Variants in TET3 observed in about 807,000 individuals in gnomAD.
The protein encoded by TET3 is tet methylcytosine dioxygenase 3, also known as methylcytosine dioxygenase TET3.
A neutral mutation model predicts 141.4 loss-of-function variants in TET3; 19 were observed. The observed-to-expected ratio is 0.13, with a 90% CI of 0.09 to 0.20. The LOEUF is 0.20. Ranked by LOEUF, TET3 falls within the 10% of genes least tolerant of loss-of-function variation. TET3 has a pLI of 1.00. For synonymous variants in TET3, 1,043 were observed against 980.9 expected, an observed-to-expected ratio of 1.06 and a Z score of -1.18; for missense variants, 1,874 against 2,356.9, an observed-to-expected ratio of 0.80 and a Z score of 4.24.
At chr2:74,058,260 G>A (rs143529995) in intron 4 of TET3, among the ~76,000 whole-genome samples, 61 of 152,302 alleles carry the variant, frequency 4.0e-4, no homozygotes, top group Middle Eastern at 3.4e-3. Flanking sequence ...CACTGTGGCA[G>A]ACAGCGAGGG....
At chr2:74,058,549 A>G (rs1688332081) in intron 4 of TET3, among the ~76,000 whole-genome samples, 1 of 152,108 alleles carries the variant, frequency 6.6e-6, no homozygotes, top group African/African-American at 2.4e-5. Context: ...TTGGTCACCT[A>G]TATTAGGTTT....
intron 10 of TET3, among the ~76,000 whole-genome samples, chr2:74,095,628 G>A (rs1282296305): frequency 1.3e-5 from 2 of 152,198 alleles, no homozygotes; most frequent in East Asian, 1.9e-4. Context: ...CCCAGATGGG[G>A]TCACATTATA....
At position 74,047,256 on chromosome 2, in the gene TET3, C is replaced by G. The variant is rs369297421; in HGVS notation, c.1339C>G (p.Arg447Gly). ...CACTGACACCCCTCCAGCAACGCCC[C>G]GGAGCTCCTGGCCCATGCCTCGCCC... ...WGTDTPPATP[R>G]SSWPMPRPSP... Residue 447 changes from arginine to glycine, a missense_variant, in exon 4 of 12, where the codon CGG becomes GGG. This residue lies in a region of TET3 where 484 missense variants were observed against 462.2 expected (regional missense o/e 1.05). Transcript: ENST00000409262. 2 of 1,613,886 alleles carry G rather than the reference C, an allele frequency of 1.2e-6. No homozygotes were observed. Among genetic ancestry groups the G allele is most frequent in the South Asian group, 1.1e-5 (1 of 91,088 alleles).
intron 10 of TET3, among the ~76,000 whole-genome samples, chr2:74,098,604 T>C (rs1326791771): frequency 6.6e-6 from 1 of 151,930 alleles, no homozygotes; most frequent in East Asian, 1.9e-4. Context: ...CTCTTTTTTT[T>C]TTTTTTTGAG....
At chr2:74,069,281 AAT>A (rs1689074317) in intron 4 of TET3, among the ~76,000 whole-genome samples, 1 of 151,060 alleles carries the variant, frequency 6.6e-6, no homozygotes, top group Non-Finnish European at 1.5e-5. Flanking sequence ...ATTGATAGGA[AAT>A]GCCATTAGGT....
chr2:74,036,208 T>G (rs1181211194), intron 3 of TET3, among the ~76,000 whole-genome samples: 2 of 152,202 alleles, frequency 1.3e-5, no homozygotes, highest in Admixed American at 6.5e-5. Context: ...GCAGAGAGAT[T>G]AGCTAACTTG....
chr2:74,098,775 G>C (rs1360583970), intron 10 of TET3, among the ~76,000 whole-genome samples: 1 of 152,080 alleles, frequency 6.6e-6, no homozygotes, highest in Non-Finnish European at 1.5e-5. Context: ...TATATTTTTG[G>C]TAGAGACAGG....
chr2:74,099,465 C>T lies in TET3; in HGVS notation c.3457C>T (p.Pro1153Ser). The change falls in exon 11 of 12, where the codon CCC (proline) becomes TCC (serine). Residue 1153 changes from proline to serine, a missense_variant. This residue lies in a region of TET3 where 53 missense variants were observed against 112.8 expected (regional missense o/e 0.47). Transcript: ENST00000409262. Reference sequence around the variant, plus strand: ...CTTCCCCCGCGAGGTCCGACGCCTGCCCGAGCCTGCCAAGTCCTGCCGCCA... The same window carrying T: ...CTTCCCCCGCGAGGTCCGACGCCTGTCCGAGCCTGCCAAGTCCTGCCGCCA... ...TAFPREVRRL[P>S]EPAKSCRQRQ... 2 of 1,613,750 alleles carry T rather than the reference C, an allele frequency of 1.2e-6. No homozygotes were observed. The highest frequency in any genetic ancestry group is 1.7e-6 in the Non-Finnish European group (2 of 1,179,834).
the TET3 span, among the ~76,000 whole-genome samples, chr2:74,122,704 C>T: frequency 8.3e-6 from 1 of 120,546 alleles, no homozygotes; most frequent in Non-Finnish European, 1.7e-5. Flanking sequence ...TTTTTTTTGC[C>T]ACATGCCGCC....
At chr2:74,124,517 A>G in the TET3 span, among the ~76,000 whole-genome samples, 1 of 152,242 alleles carries the variant, frequency 6.6e-6, no homozygotes, top group Non-Finnish European at 1.5e-5. Flanking sequence ...GGGAAAAGAG[A>G]TCAGATTGTT....
At position 74,080,694 on chromosome 2, in the gene TET3, G is replaced by A. The variant is rs572120255; in HGVS notation, c.2679+103G>A. The A allele has an allele frequency of 8.7e-4, 381 of 436,190 alleles. 4 individuals carry two copies. Among genetic ancestry groups the A allele is most frequent in the African/African-American group, 3.7e-3 (168 of 45,526 alleles). The allele number at this position is 436,190 out of a possible 1,614,324, so 27.0% of individuals were successfully genotyped here. A position where few individuals can be genotyped will look rare whatever the true frequency, so the allele number is the denominator to read the frequency against. ...CCTTGCTGCATGTAGCTGAGCAGGC[G>A]AGGGCGGGGGGTGGGGCCAGGTGGG... On this transcript the variant is annotated intron_variant, in intron 6 of 11. Transcript: ENST00000409262.
chr2:74,047,176 A>C lies in TET3; in HGVS notation c.1259A>C (p.Asp420Ala), dbSNP rs773751681. The C allele has an allele frequency of 6.2e-7, 1 of 1,613,826 alleles. No individual in the cohort carries two copies. Among genetic ancestry groups the C allele is most frequent in the Non-Finnish European group, 8.5e-7 (1 of 1,179,858 alleles). The stretch of plus-strand genomic sequence containing the variant: ...GAAGAGCACTCATCTTTTGCTCCTG[A>C]TAGCTCTGCCTTCCCTCCAGCAACT... Reference protein sequence around the residue: ...PPEEHSSFAPDSSAFPPATPR... With the variant: ...PPEEHSSFAPASSAFPPATPR... The change falls in exon 4 of 12, where the codon GAT (aspartate) becomes GCT (alanine). Residue 420 changes from aspartate (D) to alanine (A), a missense_variant. This residue lies in a region of TET3 where 484 missense variants were observed against 462.2 expected (regional missense o/e 1.05). Coordinates refer to ENST00000409262, the MANE Select transcript of TET3 (RefSeq NM_001287491.2).
At chr2:74,041,367 C>T (rs1441104185) in intron 3 of TET3, among the ~76,000 whole-genome samples, 1 of 152,092 alleles carries the variant, frequency 6.6e-6, no homozygotes, top group Admixed American at 6.5e-5. Flanking sequence ...GTTTTGAACC[C>T]TCATGCTCGC....
Position 74,047,303 on chromosome 2 carries a change from A to G in TET3, c.1386A>G (p.Glu462=). ...GCCCAAGCCCCGATCCCATGGCTGA[A>G]CTGGAGCAGTTGTTGGGCAGCGCCA... ...MPRPSPDPMA[E]LEQLLGSASD... is the part of the protein sequence containing the mutation. The change falls in exon 4 of 12, where the codon GAA becomes GAG. Residue 462 remains glutamate, a synonymous_variant. Coordinates refer to ENST00000409262, the MANE Select transcript of TET3 (RefSeq NM_001287491.2). 6.2e-7 allele frequency: 1 copy of G among 1,613,944 alleles called. No homozygotes were observed. The highest frequency in any genetic ancestry group is 1.6e-4 in the Middle Eastern group (1 of 6,062).
chr2:74,093,679 CCT>C lies in TET3; in HGVS notation c.3267+14_3267+15del. 1 of 1,570,424 alleles carries C rather than the reference CCT, an allele frequency of 6.4e-7. No individual in the cohort carries two copies. Among genetic ancestry groups the C allele is most frequent in the South Asian group, 1.2e-5 (1 of 86,280 alleles). On this transcript the variant is annotated intron_variant, in intron 10 of 11. Transcript: ENST00000409262. This position sits in a 1 kb window ranked among gnomAD's most constrained non-coding sequence, Gnocchi z 4.2. ...TGGGTGCACCGTGGTAAGCCTGTGC[CCT>C]GTCATAGCCCCACCTGTGGGGCAAC...
chr2:74,015,992 T>C (rs1050974288), intron 3 of TET3, among the ~76,000 whole-genome samples: 13 of 152,108 alleles, frequency 8.5e-5, no homozygotes, highest in Non-Finnish European at 1.8e-4. Flanking sequence ...ATATTACTCT[T>C]AGATTGTCTT....
intron 10 of TET3, among the ~76,000 whole-genome samples, chr2:74,095,628 G>T (rs1282296305): frequency 6.6e-6 from 1 of 152,198 alleles, no homozygotes; most frequent in East Asian, 1.9e-4. Context: ...CCCAGATGGG[G>T]TCACATTATA....
rs562864951 is a variant in TET3 at position 74,097,741 on chromosome 2, G to A, written c.3268-1535G>A. ...GCTCTGAGCTATGGGGTGGTTCCTC[G>A]TGCACGGCCCTCTATTAAGGCCAGG... On this transcript the variant is annotated intron_variant, in intron 10 of 11. Transcript: ENST00000409262. Among the ~76,000 whole-genome samples, 8 of 152,232 alleles carry A rather than the reference G, an allele frequency of 5.3e-5. No homozygotes were observed. In the East Asian group the frequency reaches 5.8e-4, roughly 11 times the overall value.
chr2:74,096,541 T>A (rs1313459514), intron 10 of TET3, among the ~76,000 whole-genome samples: 8 of 136,134 alleles, frequency 5.9e-5, no homozygotes, highest in Middle Eastern at 5.3e-3. Context: ...CTGAGATGGG[T>A]GGATCACCTG....
Sources: gnomAD v4.1 joint callset for allele counts (sites outside exome capture counted in the v4.1 genomes callset) on GRCh38, gnomAD v4.1.1 for gene constraint, gnomAD v4.1.1 regional missense constraint, Gnocchi (gnomAD v3.1) non-coding constraint, MANE v1.5 for transcripts, NCBI Gene and HGNC (gene_info 2026-07-23, HGNC 2026-07-21) for gene names.